The following MCM9 variants were observed in gnomAD, a reference collection of about 807,000 sequenced individuals.
MCM9 encodes minichromosome maintenance 9 homologous recombination repair factor.
Under a neutral mutation model 72.8 loss-of-function variants are expected in MCM9, and 55 were observed. The observed-to-expected ratio is 0.76, with a 90% confidence interval of 0.61 to 0.95. MCM9 has a LOEUF of 0.95. MCM9 is among the 40% of genes least tolerant of loss of function. MCM9 has a pLI of 0.00. For synonymous variants in MCM9, 480 were observed against 503.4 expected, an observed-to-expected ratio of 0.95 and a Z score of 0.62; for missense variants, 1,279 against 1,377.0, an observed-to-expected ratio of 0.93 and a Z score of 1.13.
chr6:118,827,974 G>C lies in MCM9; in HGVS notation c.1685C>G (p.Ala562Gly). Residue 562 changes from alanine (A) to glycine (G), a missense_variant, in exon 11 of 14, where the codon GCC becomes GGC. Physicochemically the swap from Ala to Gly is moderately conservative, Grantham distance 60 (BLOSUM62 0). Coordinates refer to ENST00000619706, the MANE Select transcript of MCM9 (RefSeq NM_017696.3). ...MQRQSDCRNA[A>G]RTTIRLLESL... ...TTCCAACAGCCGAATGGTGGTCCGGGCAGCGTTCCGGCAATCACTCTGCCT... is the reference window on the plus strand; with the variant it reads ...TTCCAACAGCCGAATGGTGGTCCGGCCAGCGTTCCGGCAATCACTCTGCCT... The C allele has an allele frequency of 6.4e-7, 1 of 1,551,028 alleles. No individual in the cohort carries two copies. The highest frequency in any genetic ancestry group is 8.7e-7 in the Non-Finnish European group (1 of 1,147,090).
chr6:118,893,917 C>T (rs1266491064), intron 8 of MCM9: 5 of 660,814 alleles, frequency 7.6e-6, no homozygotes, highest in Non-Finnish European at 9.4e-6. Context: ...GGCCGGATCG[C>T]GCCCTCCCGC....
intron 11 of MCM9, among the ~76,000 whole-genome samples, chr6:118,827,688 G>C (rs559164731): frequency 1.3e-5 from 2 of 152,052 alleles, no homozygotes; most frequent in African/African-American, 4.8e-5. Context: ...TTAAGTTCTA[G>C]GAGGTCCCGA....
At chr6:118,922,686 T>G (rs1038754117) in intron 4 of MCM9, among the ~76,000 whole-genome samples, 1 of 152,218 alleles carries the variant, frequency 6.6e-6, no homozygotes, top group Non-Finnish European at 1.5e-5. Context: ...GTGATGGAGT[T>G]GTAGCCAGCA....
intron 10 of MCM9, among the ~76,000 whole-genome samples, chr6:118,828,438 C>T (rs940489773): frequency 2.0e-5 from 3 of 151,394 alleles, no homozygotes; most frequent in Non-Finnish European, 2.9e-5. Context: ...CAGGCTGGAG[C>T]GCAGTAGCAC....
intron 6 of MCM9, among the ~76,000 whole-genome samples, chr6:118,914,559 C>T (rs1780790394): frequency 6.6e-6 from 1 of 152,072 alleles, no homozygotes; most frequent in East Asian, 1.9e-4. Context: ...CCAGGAAGTT[C>T]ATTACTTGCT....
intron 8 of MCM9, among the ~76,000 whole-genome samples, chr6:118,880,547 A>T (rs1778223080): frequency 6.6e-6 from 1 of 152,210 alleles, no homozygotes; most frequent in Non-Finnish European, 1.5e-5. Context: ...TTAAAAACTA[A>T]GACAGCTAAG....
At chr6:118,873,762 T>C (rs1777763607) in intron 8 of MCM9, among the ~76,000 whole-genome samples, 1 of 152,188 alleles carries the variant, frequency 6.6e-6, no homozygotes, top group Non-Finnish European at 1.5e-5. Context: ...AGGGAATGAT[T>C]CCTAGCTCAT....
At chr6:118,881,550 A>C (rs1778287858) in intron 8 of MCM9, among the ~76,000 whole-genome samples, 1 of 152,180 alleles carries the variant, frequency 6.6e-6, no homozygotes. Flanking sequence ...AAAAACACCA[A>C]GGGAGGAAAA....
chr6:118,844,329 T>C (rs1775709152), intron 9 of MCM9, among the ~76,000 whole-genome samples: 3 of 151,634 alleles, frequency 2.0e-5, no homozygotes, highest in Admixed American at 2.0e-4. Flanking sequence ...AACTTGTTCT[T>C]AAATTGTAGA....
intron 8 of MCM9, among the ~76,000 whole-genome samples, chr6:118,896,066 A>G (rs933031217): frequency 2.7e-5 from 4 of 149,174 alleles, no homozygotes; most frequent in Non-Finnish European, 4.4e-5. Flanking sequence ...TTAAACCTAT[A>G]TAGAGCATAA....
chr6:118,826,000 C>G, intron 13 of MCM9, 147 bp downstream of exon 13: 1 of 809,410 alleles, frequency 1.2e-6, no homozygotes, highest in Non-Finnish European at 1.9e-6. Flanking sequence ...GAAACAGTCT[C>G]CTATAGATAG....
intron 6 of MCM9, among the ~76,000 whole-genome samples, chr6:118,914,628 C>G (rs1477880264): frequency 6.6e-6 from 1 of 152,100 alleles, no homozygotes; most frequent in African/African-American, 2.4e-5. Context: ...GGAATCCAAG[C>G]AGATAAGACT....
Position 118,814,985 on chromosome 6 carries a change from T to TA in MCM9, c.3270dup (p.Thr1091TyrfsTer10). Reference sequence around the variant, plus strand: ...CTGACACGCATTGGAGCTGTGGTTGTAGGAGGGGAGCTTGGGCCTCTCTCA... The same window carrying TA: ...CTGACACGCATTGGAGCTGTGGTTGTAAGGAGGGGAGCTTGGGCCTCTCTCA... On this transcript the variant is annotated frameshift_variant, in exon 14 of 14. Coordinates refer to ENST00000619706, the MANE Select transcript of MCM9 (RefSeq NM_017696.3). LOFTEE classifies it low-confidence loss of function (END_TRUNC). 6.4e-7 allele frequency: 1 copy of TA among 1,550,498 alleles called. No homozygotes were observed. The highest frequency in any genetic ancestry group is 8.7e-7 in the Non-Finnish European group (1 of 1,146,940).
chr6:118,888,069 A>G (rs1348682259), intron 8 of MCM9, among the ~76,000 whole-genome samples: 1 of 152,240 alleles, frequency 6.6e-6, no homozygotes, highest in Non-Finnish European at 1.5e-5. Flanking sequence ...GACCAAAACC[A>G]CAATGAGATA....
intron 6 of MCM9, among the ~76,000 whole-genome samples, chr6:118,914,217 C>T (rs1780765623): frequency 6.6e-6 from 1 of 152,136 alleles, no homozygotes; most frequent in Admixed American, 6.5e-5. Context: ...TATGAGATCT[C>T]GAATTCTTCT....
chr6:118,878,384 T>G (rs965769685), intron 8 of MCM9, among the ~76,000 whole-genome samples: 2 of 151,938 alleles, frequency 1.3e-5, no homozygotes, highest in African/African-American at 2.4e-5. Context: ...CAACCCTACA[T>G]GAAGAAATAA....
intron 9 of MCM9, among the ~76,000 whole-genome samples, chr6:118,848,792 C>A (rs1366908735): frequency 6.6e-6 from 1 of 151,954 alleles, no homozygotes; most frequent in Non-Finnish European, 1.5e-5. Flanking sequence ...GGCATGGTAG[C>A]GTGTGTCTGT....
At chr6:118,834,709 T>C (rs1774833919) in intron 9 of MCM9, among the ~76,000 whole-genome samples, 1 of 152,168 alleles carries the variant, frequency 6.6e-6, no homozygotes, top group African/African-American at 2.4e-5. Flanking sequence ...GGTTTTTTTT[T>C]TTCTTATAAA....
chr6:118,868,558 TCAAA>T (rs1312440449), intron 8 of MCM9, among the ~76,000 whole-genome samples: 3 of 150,930 alleles, frequency 2.0e-5, no homozygotes, highest in Non-Finnish European at 4.4e-5. Flanking sequence ...TACAAAGAAC[TCAAA>T]CAAATTTAAA....
Sources: gnomAD v4.1 joint callset for allele counts (sites outside exome capture counted in the v4.1 genomes callset) on GRCh38, gnomAD v4.1.1 for gene constraint, MANE v1.5 for transcripts, NCBI Gene and HGNC (gene_info 2026-07-23, HGNC 2026-07-21) for gene names.